DLGAP4: variants seen among roughly 807,000 people sequenced by gnomAD.
DLGAP4 encodes the protein DLG associated protein 4.
Under a neutral mutation model 86.9 loss-of-function variants are expected in DLGAP4, and 18 were observed. The ratio of observed to expected loss-of-function variants is 0.21; its 90% CI spans 0.14 to 0.31. The LOEUF (loss-of-function observed/expected upper bound fraction) is 0.31, where lower values mean the gene tolerates loss of function less well. Among genes scored for constraint, DLGAP4 ranks in the 10% least tolerant of loss-of-function variants. DLGAP4 has a pLI of 1.00. For missense variants in DLGAP4, 1,085 were observed against 1,362.6 expected, an observed-to-expected ratio of 0.80 and a Z score of 3.21; for synonymous variants, 548 against 574.3, an observed-to-expected ratio of 0.95 and a Z score of 0.65.
intron 10 of DLGAP4, among the ~76,000 whole-genome samples, chr20:36,522,769 G>A (rs563078415): frequency 2.9e-4 from 44 of 152,242 alleles, no homozygotes; most frequent in African/African-American, 9.1e-4. Context: ...ACCCGCCTCA[G>A]CCTCCCCCAT....
chr20:36,378,451 T>C (rs2147438428), intron 2 of DLGAP4, among the ~76,000 whole-genome samples: 1 of 152,280 alleles, frequency 6.6e-6, no homozygotes, highest in Middle Eastern at 3.4e-3. Context: ...ATGTTAATGT[T>C]TTTTCCCTTG....
chr20:36,437,105 TC>T (rs1209379511), intron 4 of DLGAP4, among the ~76,000 whole-genome samples: 1 of 152,100 alleles, frequency 6.6e-6, no homozygotes, highest in East Asian at 1.9e-4. Context: ...CCAGGTGAAC[TC>T]ACTACTATAA....
At chr20:36,492,887 T>A (rs895668125) in intron 7 of DLGAP4, 49 of 152,138 alleles carry the variant, frequency 3.2e-4, no homozygotes, top group African/African-American at 1.2e-3. Context: ...CCTCAGTGAG[T>A]TAGTCCTGTC....
At chr20:36,441,622 A>G (rs967227411) in intron 5 of DLGAP4, among the ~76,000 whole-genome samples, 3 of 152,164 alleles carry the variant, frequency 2.0e-5, no homozygotes, top group African/African-American at 7.2e-5. Flanking sequence ...AGTGCCTGGC[A>G]CAGGGCAGAT....
At chr20:36,445,769 C>T (rs1291323297) in intron 6 of DLGAP4, among the ~76,000 whole-genome samples, 3 of 152,204 alleles carry the variant, frequency 2.0e-5, no homozygotes, top group Non-Finnish European at 2.9e-5. Flanking sequence ...CCCAGGCCAG[C>T]CCCCAAGATG....
intron 2 of DLGAP4, among the ~76,000 whole-genome samples, chr20:36,373,130 G>C (rs1408387341): frequency 6.6e-6 from 1 of 152,148 alleles, no homozygotes; most frequent in Non-Finnish European, 1.5e-5. Flanking sequence ...GCTCTATTTT[G>C]ATTTTTGTTT....
intron 1 of DLGAP4, among the ~76,000 whole-genome samples, chr20:36,326,133 G>GGC (rs2065213796): frequency 6.6e-6 from 1 of 152,210 alleles, no homozygotes; most frequent in Non-Finnish European, 1.5e-5. Context: ...TATATCTGAA[G>GGC]AGCATTTCTT....
chr20:36,496,705 GT>G lies in DLGAP4; in HGVS notation c.1651del (p.Ser551HisfsTer4). 6.3e-7 allele frequency: 1 copy of G among 1,597,722 alleles called. No homozygotes were observed. Among genetic ancestry groups the G allele is most frequent in the Non-Finnish European group, 8.6e-7 (1 of 1,166,746 alleles). ...CTGCCCTTCTCTCATCCATCTGCAG[GT>G]TCATCATGCCTAGTGGCGTATAAGA... is the stretch of plus-strand genomic sequence containing the variant. ...GSLSNSRTLP[S>X]SSCLVAYKKT... On this transcript the variant is annotated frameshift_variant and splice_region_variant, in exon 8 of 13. Coordinates refer to ENST00000339266, the MANE Select transcript of DLGAP4 (RefSeq NM_001365621.2). LOFTEE classifies it high-confidence loss of function.
At chr20:36,378,580 G>A (rs1800128481) in intron 2 of DLGAP4, among the ~76,000 whole-genome samples, 1 of 152,044 alleles carries the variant, frequency 6.6e-6, no homozygotes, top group South Asian at 2.1e-4. Context: ...CCACATCCAG[G>A]GTAGAATGTA....
At chr20:36,370,641 AC>A (rs564325132) in intron 2 of DLGAP4, among the ~76,000 whole-genome samples, 3 of 150,822 alleles carry the variant, frequency 2.0e-5, no homozygotes, top group African/African-American at 4.9e-5. Context: ...TCATAGCAAG[AC>A]CCCCTTCTCC....
chr20:36,455,252 C>T (rs1025548568), intron 7 of DLGAP4, among the ~76,000 whole-genome samples: 3 of 151,620 alleles, frequency 2.0e-5, no homozygotes, highest in African/African-American at 7.3e-5. Flanking sequence ...TGTCTGTCTC[C>T]CTCAGTTCTC....
intron 7 of DLGAP4, chr20:36,461,658 G>GGCC: frequency 5.1e-5 from 14 of 274,474 alleles, no homozygotes; most frequent in Non-Finnish European, 6.5e-5. Flanking sequence ...GACGGGGGCC[G>GGCC]CCCCGCCCGG....
rs1361710864 is a variant in DLGAP4, at chr20:36,496,121, T to C, written c.1649-584T>C. Among the ~76,000 whole-genome samples, 3 of 152,002 alleles carry C rather than the reference T, an allele frequency of 2.0e-5. No homozygotes were observed. In the South Asian group the frequency reaches 6.2e-4, roughly 32 times the overall value. On this transcript the variant is annotated intron_variant, in intron 7 of 12. Transcript: ENST00000339266. ...TCCTGACCTCAGGTGATCTGCCCAC[T>C]TCAGCCTCCCAAAATGCTGGGACTA... is the stretch of plus-strand genomic sequence containing the variant.
intron 7 of DLGAP4, chr20:36,462,321 G>A (rs2034124011): frequency 1.5e-6 from 2 of 1,346,706 alleles, no homozygotes; most frequent in Admixed American, 4.2e-5. Context: ...CCCACTTCTC[G>A]GGATCGGGGT....
chr20:36,404,563 G>A (rs540281233), intron 2 of DLGAP4, among the ~76,000 whole-genome samples: 3 of 152,128 alleles, frequency 2.0e-5, no homozygotes, highest in Non-Finnish European at 4.4e-5. Flanking sequence ...CCCTTCCAGC[G>A]AGCTTTTTCT....
intron 7 of DLGAP4, among the ~76,000 whole-genome samples, chr20:36,493,652 C>G (rs2035762229): frequency 6.6e-6 from 1 of 152,198 alleles, no homozygotes; most frequent in Non-Finnish European, 1.5e-5. Flanking sequence ...GCCCCAAACA[C>G]CGGCAGCCCA....
intron 2 of DLGAP4, among the ~76,000 whole-genome samples, chr20:36,422,721 T>C (rs1184001199): frequency 6.6e-6 from 1 of 152,144 alleles, no homozygotes; most frequent in East Asian, 1.9e-4. Flanking sequence ...CACTCTGGCA[T>C]GTGGGGGTGG....
chr20:36,343,984 C>G (rs998104505), intron 1 of DLGAP4, among the ~76,000 whole-genome samples: 5 of 152,194 alleles, frequency 3.3e-5, no homozygotes, highest in Non-Finnish European at 5.9e-5. Flanking sequence ...GCTGTTCCGG[C>G]CATGGGGGTG....
intron 2 of DLGAP4, among the ~76,000 whole-genome samples, chr20:36,376,477 T>C (rs1219308871): frequency 6.6e-6 from 1 of 151,916 alleles, no homozygotes; most frequent in Non-Finnish European, 1.5e-5. Flanking sequence ...TCTCAAAATA[T>C]ATATATAATT....
Sources: allele counts gnomAD v4.1 joint callset (sites outside exome capture counted in the v4.1 genomes callset), GRCh38; gene constraint gnomAD v4.1.1; transcripts MANE v1.5; gene names NCBI Gene and HGNC (gene_info 2026-07-23, HGNC 2026-07-21).